MGLL: variants seen among roughly 807,000 people sequenced by gnomAD.
The protein encoded by MGLL is monoglyceride lipase, also known as lysophospholipase homolog.
MGLL carries 7 observed loss-of-function variants against 29.1 expected under a neutral mutation model. The ratio of observed to expected loss-of-function variants is 0.24; its 90% CI spans 0.14 to 0.45. The LOEUF (loss-of-function observed/expected upper bound fraction) is 0.45, where lower values mean the gene tolerates loss of function less well. MGLL is among the 20% of genes least tolerant of loss of function. The pLI is 0.99. For synonymous variants in MGLL, 148 were observed against 168.3 expected (o/e 0.88, Z 0.93); for missense variants, 356 against 413.6 (o/e 0.86, Z 1.21).
At chr3:127,797,652 G>C (rs2077406775) in intron 2 of MGLL, among the ~76,000 whole-genome samples, 1 of 152,142 alleles carries the variant, frequency 6.6e-6, no homozygotes, top group Non-Finnish European at 1.5e-5. Context: ...CTGTCACCCA[G>C]GCTGGAGTGC....
chr3:127,765,850 GA>G (rs1359481218), intron 3 of MGLL, among the ~76,000 whole-genome samples: 2 of 151,368 alleles, frequency 1.3e-5, no homozygotes, highest in African/African-American at 2.4e-5. Flanking sequence ...TCAGGGAACT[GA>G]AAAAAAAAGT....
chr3:127,813,578 G>A (rs2077702143), intron 2 of MGLL, among the ~76,000 whole-genome samples: 1 of 152,200 alleles, frequency 6.6e-6, no homozygotes, highest in African/African-American at 2.4e-5. Flanking sequence ...ACTTCTGGAT[G>A]AAAAGCCTGA....
At chr3:127,715,845 T>C (rs1350021461) in intron 5 of MGLL, 4 of 455,874 alleles carry the variant, frequency 8.8e-6, no homozygotes, top group African/African-American at 2.0e-5. Flanking sequence ...CAGAGGGGAG[T>C]TGCTCACCCA....
intron 3 of MGLL, among the ~76,000 whole-genome samples, chr3:127,775,776 G>A (rs554865626): frequency 1.3e-5 from 2 of 152,318 alleles, no homozygotes; most frequent in African/African-American, 4.8e-5. Context: ...GCTCCCTGGG[G>A]AAGGGCCCTT....
intron 3 of MGLL, among the ~76,000 whole-genome samples, chr3:127,722,929 A>G (rs1045630105): frequency 2.0e-5 from 3 of 152,208 alleles, no homozygotes; most frequent in Non-Finnish European, 2.9e-5. Flanking sequence ...TAAGACGAAG[A>G]AGGCTCAGAA....
chr3:127,800,071 T>C (rs2107735291), intron 2 of MGLL, among the ~76,000 whole-genome samples: 1 of 152,298 alleles, frequency 6.6e-6, no homozygotes, highest in East Asian at 1.9e-4. Flanking sequence ...AACACCTACT[T>C]GAAATAATCT....
chr3:127,692,671 G>T (rs1346346153), intron 7 of MGLL, among the ~76,000 whole-genome samples: 1 of 152,078 alleles, frequency 6.6e-6, no homozygotes, highest in Non-Finnish European at 1.5e-5. Flanking sequence ...ACCTCCACGG[G>T]GTCCTCAGCT....
intron 3 of MGLL, among the ~76,000 whole-genome samples, chr3:127,746,893 C>A (rs940789781): frequency 2.0e-5 from 3 of 152,168 alleles, no homozygotes; most frequent in Admixed American, 6.5e-5. Context: ...CCTCCCTCCT[C>A]CTTCCTGAAT....
Position 127,692,110 on chromosome 3 carries a change from T to TC in MGLL, c.*87_*88insG. On this transcript the variant is annotated 3_prime_UTR_variant, in exon 8 of 8. Transcript: ENST00000265052. ...CAATTTCTGATTTTTTTTTTTTTTT[T>TC]TTTTTGGCAAGCCATATCTGAGAAG... The TC allele has an allele frequency of 1.0e-6, 1 of 959,266 alleles. No homozygotes were observed. Among genetic ancestry groups the TC allele is most frequent in the Non-Finnish European group, 1.4e-6 (1 of 698,186 alleles). 59.4% of individuals were successfully genotyped at this position (959,266 alleles called of 1,614,324 possible).
intron 3 of MGLL, among the ~76,000 whole-genome samples, chr3:127,742,416 C>A (rs545059003): frequency 7.2e-5 from 11 of 151,924 alleles, no homozygotes; most frequent in African/African-American, 2.2e-4. Flanking sequence ...ATGGTGAAAC[C>A]CCATCTCTAC....
At chr3:127,726,914 C>T (rs2076057208) in intron 3 of MGLL, among the ~76,000 whole-genome samples, 2 of 152,240 alleles carry the variant, frequency 1.3e-5, no homozygotes, top group African/African-American at 4.8e-5. Flanking sequence ...TTAGCAATAG[C>T]TCCCTAATAT....
chr3:127,813,433 C>G (rs536885053), intron 2 of MGLL, among the ~76,000 whole-genome samples: 84 of 152,326 alleles, frequency 5.5e-4, no homozygotes, highest in African/African-American at 1.9e-3. Context: ...ACAGACCCAG[C>G]AAAATGGAGG....
At chr3:127,734,226 C>T (rs1044373361) in intron 3 of MGLL, among the ~76,000 whole-genome samples, 1 of 152,226 alleles carries the variant, frequency 6.6e-6, no homozygotes, top group African/African-American at 2.4e-5. Context: ...ACATGTGTTA[C>T]CCAAAATGCA....
intron 2 of MGLL, among the ~76,000 whole-genome samples, chr3:127,809,565 G>A (rs2077625269): frequency 6.6e-6 from 1 of 152,036 alleles, no homozygotes; most frequent in South Asian, 2.1e-4. Context: ...GTTGGAGACT[G>A]CAGTGAGCTA....
chr3:127,788,318 T>C (rs1453827248), intron 2 of MGLL, among the ~76,000 whole-genome samples: 3 of 152,100 alleles, frequency 2.0e-5, no homozygotes, highest in Non-Finnish European at 4.4e-5. Flanking sequence ...GTGGGTACTG[T>C]TATTACCCCA....
intron 3 of MGLL, among the ~76,000 whole-genome samples, chr3:127,730,084 G>A (rs556535022): frequency 1.3e-5 from 2 of 152,306 alleles, no homozygotes; most frequent in East Asian, 1.9e-4. Context: ...CAGGGCTGTC[G>A]TCTTTGACTT....
chr3:127,794,619 G>C (rs1415968159), intron 2 of MGLL, among the ~76,000 whole-genome samples: 1 of 152,044 alleles, frequency 6.6e-6, no homozygotes, highest in African/African-American at 2.4e-5. Flanking sequence ...GCTATCTTCT[G>C]TGATGTCAGG....
chr3:127,730,154 CCTT>C (rs1226806745), intron 3 of MGLL, among the ~76,000 whole-genome samples: 2 of 152,186 alleles, frequency 1.3e-5, no homozygotes, highest in African/African-American at 4.8e-5. Flanking sequence ...CATCCAGTCT[CCTT>C]CTTTGCATGT....
chr3:127,724,844 A>G (rs1005359163), intron 3 of MGLL, among the ~76,000 whole-genome samples: 17 of 151,874 alleles, frequency 1.1e-4, no homozygotes, highest in African/African-American at 3.9e-4. Flanking sequence ...TTGCAATCCT[A>G]CCTCACAACC....
Sources: gnomAD v4.1 joint callset for allele counts (sites outside exome capture counted in the v4.1 genomes callset) on GRCh38, gnomAD v4.1.1 for gene constraint, MANE v1.5 for transcripts, NCBI Gene and HGNC (gene_info 2026-07-23, HGNC 2026-07-21) for gene names.